The following HMGCS2 variants were observed in gnomAD, a reference collection of about 807,000 sequenced individuals.
HMGCS2 encodes the protein hydroxymethylglutaryl-CoA synthase, mitochondrial.
Under a neutral mutation model 57.4 loss-of-function variants are expected in HMGCS2, and 50 were observed. The observed-to-expected ratio is 0.87, with a 90% confidence interval of 0.69 to 1.10. HMGCS2 has a LOEUF of 1.10. HMGCS2 is among the 50% of genes least tolerant of loss of function. HMGCS2 has a pLI of 0.00. For missense variants in HMGCS2, 627 were observed against 636.5 expected (o/e 0.99, Z 0.16); for synonymous variants, 254 against 245.1 (o/e 1.04, Z -0.34).
chr1:119,761,083 G>T (rs1447641339), intron 2 of HMGCS2, among the ~76,000 whole-genome samples: 1 of 149,058 alleles, frequency 6.7e-6, no homozygotes, highest in Admixed American at 6.7e-5. Context: ...ATGTGTGTGT[G>T]TGTATATATA....
intron 1 of HMGCS2, among the ~76,000 whole-genome samples, chr1:119,765,273 T>C (rs1183103920): frequency 6.6e-6 from 1 of 152,040 alleles, no homozygotes; most frequent in East Asian, 1.9e-4. Flanking sequence ...CACGCCCAGC[T>C]AATTTTTTGT....
At chr1:119,752,475 A>T in intron 8 of HMGCS2, 74 bp downstream of exon 8, 4 of 1,542,720 alleles carry the variant, frequency 2.6e-6, no homozygotes, top group Non-Finnish European at 3.6e-6. Flanking sequence ...TAAATTCTAG[A>T]TTTCCAAAGA....
chr1:119,766,404 A>T (rs1350949562), intron 1 of HMGCS2, among the ~76,000 whole-genome samples: 1 of 152,164 alleles, frequency 6.6e-6, no homozygotes, highest in African/African-American at 2.4e-5. Flanking sequence ...TGTGTCTATC[A>T]ATCATCTTTG....
At chr1:119,760,222 T>C (rs1652994413) in intron 2 of HMGCS2, among the ~76,000 whole-genome samples, 1 of 152,362 alleles carries the variant, frequency 6.6e-6, no homozygotes, top group East Asian at 1.9e-4. Context: ...GAATTCTGTC[T>C]CTGACTTCAG....
rs144362733 is a variant in HMGCS2 at position 119,763,485 on chromosome 1, G to T, written c.559+687C>A. Among the ~76,000 whole-genome samples the T allele has an allele frequency of 2.6e-3, 395 of 152,278 alleles. 7 individuals carry two copies. The highest frequency in any genetic ancestry group is 3.4e-3 in the Middle Eastern group (1 of 294). ...TAGGCAAATAACCCTGAGGCTCAAA[G>T]AGGTTCAGGAATTTATCAATGATTA... On this transcript the variant is annotated intron_variant, in intron 2 of 9. Coordinates refer to ENST00000369406, the MANE Select transcript of HMGCS2 (RefSeq NM_005518.4).
intron 1 of HMGCS2, 36 bp from the exon 2 acceptor site, chr1:119,764,662 G>A (rs755903114): frequency 6.8e-7 from 1 of 1,468,748 alleles, no homozygotes; most frequent in South Asian, 1.2e-5. Flanking sequence ...CCCACTAATG[G>A]TCTGTAGACA....
rs587727388 is a variant in HMGCS2 at position 119,752,615 on chromosome 1, G to A, written c.1354C>T (p.Arg452Ter). 15 of 1,614,034 alleles carry A rather than the reference G, an allele frequency of 9.3e-6. No homozygotes were observed. Among genetic ancestry groups the A allele is most frequent in the African/African-American group, 4.0e-5 (3 of 75,024 alleles). ...AACTCCTCAGGAGACACACACTTTC[G>A]GGAGGCTAGGCGTTTTGGCAGGTCT... ...TSDLPKRLAS[R>*]KCVSPEEFTE... Residue 452 changes from arginine (R) to a stop codon, truncating the protein, a stop_gained, in exon 8 of 10, where the codon CGA becomes TGA. Transcript: ENST00000369406. LOFTEE classifies it high-confidence loss of function.
At position 119,764,426 on chromosome 1, in the gene HMGCS2, A is replaced by G. The variant is rs766672926; in HGVS notation, c.305T>C (p.Ile102Thr). The change falls in exon 2 of 10, where the codon ATC (isoleucine) becomes ACC (threonine). Residue 102 changes from isoleucine to threonine, a missense_variant. Ile to Thr is a moderately conservative substitution (Grantham distance 89, BLOSUM62 -1). Coordinates refer to ENST00000369406, the MANE Select transcript of HMGCS2 (RefSeq NM_005518.4). Reference protein sequence around the residue: ...RMGFCSVQEDINSLCLTVVQR... With the variant: ...RMGFCSVQEDTNSLCLTVVQR... Reference sequence around the variant, plus strand: ...CACCACCGTCAGGCACAGGGAGTTGATGTCCTCTTGGACTGAGCAGAAGCC... The same window carrying G: ...CACCACCGTCAGGCACAGGGAGTTGGTGTCCTCTTGGACTGAGCAGAAGCC... 9 of 1,614,228 alleles carry G rather than the reference A, an allele frequency of 5.6e-6. No individual in the cohort carries two copies. The highest frequency in any genetic ancestry group is 1.1e-5 in the South Asian group (1 of 91,088).
intron 1 of HMGCS2, among the ~76,000 whole-genome samples, chr1:119,765,506 C>T (rs1368304480): frequency 6.6e-5 from 10 of 152,122 alleles, no homozygotes; most frequent in Non-Finnish European, 1.3e-4. Flanking sequence ...TCATTTTATA[C>T]CCTCTTTTCC....
At chr1:119,753,523 C>G in intron 6 of HMGCS2, 137 bp from the exon 7 acceptor site, 1 of 646,518 alleles carries the variant, frequency 1.5e-6, no homozygotes, top group Non-Finnish European at 2.8e-6. Flanking sequence ...CCCTGTCTAC[C>G]TCATGCAACT....
Position 119,759,225 on chromosome 1 carries a change from G to A in HMGCS2, c.743C>T (p.Ser248Leu), listed in dbSNP as rs768912442. ...CTTCCCATCCACTATTGGGTACTCC[G>A]AGGCCAAATTTGGTTTGTAGAAGTC... ...VYDFYKPNLA[S>L]EYPIVDGKLS... Residue 248 changes from serine (S) to leucine (L), a missense_variant, in exon 4 of 10, where the codon TCG becomes TTG. Transcript: ENST00000369406. The A allele has an allele frequency of 3.7e-6, 6 of 1,614,080 alleles. No individual in the cohort carries two copies. Among genetic ancestry groups the A allele is most frequent in the South Asian group, 1.1e-5 (1 of 91,078 alleles).
chr1:119,762,729 C>T (rs764103324), intron 2 of HMGCS2, among the ~76,000 whole-genome samples: 6 of 152,188 alleles, frequency 3.9e-5, no homozygotes, highest in Non-Finnish European at 8.8e-5. Context: ...GTTTTAAATA[C>T]AAACTAAAGA....
At chr1:119,768,716 A>G (rs371814855) in intron 1 of HMGCS2, 25 bp downstream of exon 1, 231 of 1,506,624 alleles carry the variant, frequency 1.5e-4, no homozygotes, top group Admixed American at 4.3e-4. Context: ...ACTAGTTACA[A>G]GGTGCTTCTC....
chr1:119,762,326 T>A (rs1653073481), intron 2 of HMGCS2, among the ~76,000 whole-genome samples: 1 of 151,914 alleles, frequency 6.6e-6, no homozygotes, highest in South Asian at 2.1e-4. Context: ...AGAATACATA[T>A]AAACCATCAG....
rs1163125509 is a variant in HMGCS2, at chr1:119,752,681, A to G, written c.1295-7T>C. ...AACTTGTCCAGGGGAGAGCCTGGGA[A>G]GCAAAAGCAAGATTGTTACACCTTT... On this transcript the variant is annotated splice_region_variant and splice_polypyrimidine_tract_variant and intron_variant, in intron 7 of 9. Coordinates refer to ENST00000369406, the MANE Select transcript of HMGCS2 (RefSeq NM_005518.4). 2.5e-6 allele frequency: 4 copies of G among 1,613,938 alleles called. No individual in the cohort carries two copies. Among genetic ancestry groups the G allele is most frequent in the Admixed American group, 3.3e-5 (2 of 59,998 alleles).
intron 9 of HMGCS2, among the ~76,000 whole-genome samples, chr1:119,750,291 G>A (rs1249073841): frequency 2.0e-5 from 3 of 152,218 alleles, no homozygotes; most frequent in Admixed American, 1.3e-4. Context: ...TTGCTCATCA[G>A]ATCTGTTGAT....
rs141141033 is a variant in HMGCS2, at chr1:119,752,366, T to C, written c.1420+183A>G. Reference sequence around the variant, plus strand: ...TCCTGCCTCCCTCTTCCCAACTCTATCTTCTGTTTCCCCACCCACTTCTTG... The same window carrying C: ...TCCTGCCTCCCTCTTCCCAACTCTACCTTCTGTTTCCCCACCCACTTCTTG... On this transcript the variant is annotated intron_variant, in intron 8 of 9. Transcript: ENST00000369406. Among the ~76,000 whole-genome samples the C allele has an allele frequency of 2.8e-3, 419 of 152,260 alleles. 2 individuals carry two copies. The highest frequency in any genetic ancestry group is 9.6e-3 in the African/African-American group (398 of 41,546).
In HMGCS2 at chr1:119,751,726, T is replaced by A. The variant is rs587675989; in HGVS notation, c.1421-818A>T. On this transcript the variant is annotated intron_variant, in intron 8 of 9. Transcript: ENST00000369406. ...CCCTGCTCCATTTTTATTTTCATTG[T>A]CTTTCTTTGCTATAACATATCCACT... 4.6e-5 allele frequency among the ~76,000 whole-genome samples: 7 copies of A among 152,284 alleles called. No individual in the cohort carries two copies. The East Asian group carries it at 1.2e-3, about 25-fold the overall frequency.
chr1:119,748,929 G>A (rs1395001367), intron 9 of HMGCS2, 88 bp from the exon 10 acceptor site: 1 of 152,308 alleles, frequency 6.6e-6, no homozygotes, highest in Non-Finnish European at 1.5e-5. Context: ...GTGTGGCTGT[G>A]CAGAGGGGCT....
Sources: gnomAD v4.1 joint callset for allele counts (sites outside exome capture counted in the v4.1 genomes callset) on GRCh38, gnomAD v4.1.1 for gene constraint, MANE v1.5 for transcripts, NCBI Gene and HGNC (gene_info 2026-07-23, HGNC 2026-07-21) for gene names.